ATM: variants seen among roughly 807,000 people sequenced by gnomAD.
ATM encodes the protein serine-protein kinase ATM.
A neutral mutation model predicts 387.0 loss-of-function variants in ATM; 308 were observed. That is an observed-to-expected ratio of 0.80 (90% CI 0.73 to 0.87). The LOEUF (loss-of-function observed/expected upper bound fraction) is 0.87. Ranked by LOEUF, ATM falls within the 40% of genes least tolerant of loss-of-function variation. The pLI, the probability that ATM is intolerant of heterozygous loss-of-function variation, is 0.00. For synonymous variants in ATM, 1,156 were observed against 1,187.3 expected, an observed-to-expected ratio of 0.97 and a Z score of 0.54; for missense variants, 3,312 against 3,560.9, an observed-to-expected ratio of 0.93 and a Z score of 1.78.
At chr11:108,256,093 C>T in intron 13 of ATM, 122 bp from the exon 14 acceptor site, 1 of 899,998 alleles carries the variant, frequency 1.1e-6, no homozygotes, top group Non-Finnish European at 1.6e-6. Flanking sequence ...GATATGCCAC[C>T]TTTAACTCAG....
chr11:108,321,334 C>T lies in ATM; in HGVS notation c.6486C>T (p.Ser2162=), dbSNP rs138166710. Residue 2162 remains serine, a synonymous_variant, in exon 45 of 63, where the codon AGC becomes AGT. Transcript: ENST00000675843. ...AAGTGGAAGAGATGTGTAAGCGCAG[C>T]CTTGAGTCTGTGTATTCGCTCTATC... ...VKEVEEMCKR[S]LESVYSLYPT... 15 of 1,614,022 alleles carry T rather than the reference C, an allele frequency of 9.3e-6. No individual in the cohort carries two copies. In the African/African-American group the frequency reaches 1.9e-4, roughly 20 times the overall value.
At chr11:108,263,208 A>G (rs1440923613) in intron 16 of ATM, among the ~76,000 whole-genome samples, 1 of 143,572 alleles carries the variant, frequency 7.0e-6, no homozygotes, top group East Asian at 2.1e-4. Flanking sequence ...CACCACACCT[A>G]TTCCAAAATT....
At position 108,292,638 on chromosome 11, in the gene ATM, G is replaced by A. The variant is rs786203352; in HGVS notation, c.4456G>A (p.Val1486Met). The change falls in exon 30 of 63, where the codon GTG (valine) becomes ATG (methionine). Residue 1486 changes from valine to methionine, a missense_variant. Physicochemically the swap from Val to Met is conservative, Grantham distance 21. Around this residue, in one of 4 missense-constraint regions of ATM, gnomAD observed 1,791 missense variants for 1,804.5 expected, o/e 0.99. Transcript: ENST00000675843. ...TATTAGGCCTTCTTGTATCATGGAT[G>A]TGTCATTACGTAGCTTCTCCCTTTG... ...INQRPSCIMD[V>M]SLRSFSLCCD... 2 of 1,613,610 alleles carry A rather than the reference G, an allele frequency of 1.2e-6. No homozygotes were observed. Among genetic ancestry groups the A allele is most frequent in the Non-Finnish European group, 1.7e-6 (2 of 1,179,844 alleles).
intron 29 of ATM, among the ~76,000 whole-genome samples, chr11:108,290,826 T>TA (rs202152959): frequency 0.018 from 2,272 of 124,826 alleles, 54 homozygotes; most frequent in African/African-American, 0.055. Context: ...TTCACTCAAT[T>TA]AAAAAAAAAA....
chr11:108,356,428 C>T (rs1013248799), intron 61 of ATM, among the ~76,000 whole-genome samples: 2 of 151,374 alleles, frequency 1.3e-5, no homozygotes, highest in East Asian at 1.9e-4. Context: ...CCCAGCTACT[C>T]AGGAGGCTGA....
chr11:108,276,617 C>A (rs2081963538), intron 22 of ATM, among the ~76,000 whole-genome samples: 1 of 152,146 alleles, frequency 6.6e-6, no homozygotes, highest in African/African-American at 2.4e-5. Context: ...TACAGTCAGG[C>A]CCCTCTGCTG....
intron 5 of ATM, among the ~76,000 whole-genome samples, chr11:108,238,029 C>A (rs934854008): frequency 7.3e-5 from 11 of 150,402 alleles, no homozygotes; most frequent in African/African-American, 2.7e-4. Context: ...TAGGTTCAAG[C>A]GATTCTCCTG....
intron 16 of ATM, among the ~76,000 whole-genome samples, chr11:108,264,117 CCTAACTCATTTTAT>C (rs2081073232): frequency 6.6e-6 from 1 of 151,816 alleles, no homozygotes; most frequent in Non-Finnish European, 1.5e-5. Flanking sequence ...GGGAATCCTC[CCTAACTCATTTTAT>C]GAGGCCAGCA....
intron 35 of ATM, 101 bp from the exon 36 acceptor site, chr11:108,302,752 T>G (rs2083490065): frequency 8.8e-7 from 1 of 1,136,814 alleles, no homozygotes. Flanking sequence ...TTTAACTGTA[T>G]TTAGCTTTAT....
rs1363659444 is a variant in ATM at position 108,245,063 on chromosome 11, T to C, written c.901+37T>C. On this transcript the variant is annotated intron_variant, in intron 7 of 62. Transcript: ENST00000675843. ...ATGTTTACTGTTTTGAATTTGCTTC[T>C]TCATTCAAACATAGAAGTCTAAGTA... The C allele has an allele frequency of 2.7e-6, 4 of 1,502,208 alleles. No individual in the cohort carries two copies. In the African/African-American group the frequency reaches 4.1e-5, roughly 16 times the overall value. The allele number at this position is 1,502,208 out of a possible 1,614,324, so 93.1% of individuals were successfully genotyped here.
chr11:108,242,685 T>C (rs2079623053), intron 5 of ATM, among the ~76,000 whole-genome samples: 3 of 152,168 alleles, frequency 2.0e-5, no homozygotes, highest in Admixed American at 6.6e-5. Context: ...ACAGATTTAC[T>C]TGTAGCCTAT....
intron 3 of ATM, among the ~76,000 whole-genome samples, chr11:108,228,168 AAGACTTCAGATT>A (rs1389096524): frequency 6.6e-6 from 1 of 152,166 alleles, no homozygotes; most frequent in Admixed American, 6.5e-5. Flanking sequence ...GTTAGTTCAC[AAGACTTCAGATT>A]AGAGGAAAAA....
At chr11:108,235,507 A>C (rs1321768527) in intron 4 of ATM, among the ~76,000 whole-genome samples, 163 bp from the exon 5 acceptor site, 1 of 151,940 alleles carries the variant, frequency 6.6e-6, no homozygotes, top group Non-Finnish European at 1.5e-5. Context: ...CAAAGAAAAA[A>C]AAAATGAATT....
intron 45 of ATM, among the ~76,000 whole-genome samples, chr11:108,324,400 AAATT>A (rs1314275528): frequency 2.0e-5 from 3 of 152,126 alleles, no homozygotes; most frequent in African/African-American, 7.2e-5. Flanking sequence ...ATTTTTGAAT[AAATT>A]AATACATTTT....
At chr11:108,290,174 A>G (rs2082707989) in intron 29 of ATM, 1 of 167,640 alleles carries the variant, frequency 6.0e-6, no homozygotes, top group Non-Finnish European at 1.3e-5. Flanking sequence ...TGTTCTTTTA[A>G]TTGAAAGTTT....
rs1166367097 is a variant in ATM, at chr11:108,289,489, TTTAAATATAAAATGTG to T, written c.4237-111_4237-96del. 1.0e-4 allele frequency: 84 copies of T among 827,416 alleles called. No homozygotes were observed. In the East Asian group the frequency reaches 1.3e-3, roughly 12 times the overall value. 51.3% of individuals were successfully genotyped at this position (827,416 alleles called of 1,614,324 possible). On this transcript the variant is annotated intron_variant, in intron 28 of 62. Transcript: ENST00000675843. ...AATCTAAATTCTGTTATTTAGTTAT[TTTAAATATAAAATGTG>T]TAGGTATTCAAATATTTGAAGAAAA... is the stretch of plus-strand genomic sequence containing the variant.
In ATM at chr11:108,316,681, G is replaced by A. The variant is rs200087975; in HGVS notation, c.6198+568G>A. 2.1e-4 allele frequency among the ~76,000 whole-genome samples: 31 copies of A among 148,634 alleles called. No homozygotes were observed. In the East Asian group the frequency reaches 2.4e-3, roughly 11 times the overall value. On this transcript the variant is annotated intron_variant, in intron 42 of 62. Transcript: ENST00000675843. ...TCCCAGCACTTTGGGAGGCCGAGGCGAGCAGATCACGAGGTCAGGAGGTCC... is the reference window on the plus strand; with the variant it reads ...TCCCAGCACTTTGGGAGGCCGAGGCAAGCAGATCACGAGGTCAGGAGGTCC...
At chr11:108,344,298 G>C (rs1250638240) in intron 57 of ATM, among the ~76,000 whole-genome samples, 1 of 152,146 alleles carries the variant, frequency 6.6e-6, no homozygotes, top group African/African-American at 2.4e-5. Context: ...AGAGGAAAAG[G>C]TGTGTGAGCC....
At position 108,322,409 on chromosome 11, in the gene ATM, C is replaced by T. The variant is rs183915395; in HGVS notation, c.6572+989C>T. On this transcript the variant is annotated intron_variant, in intron 45 of 62. Transcript: ENST00000675843. ...CCTCAGGTGATCCACCCGCTTCAGC[C>T]TCCCAAAGTGCTGGGATTGCAGGCG... 1.2e-3 allele frequency among the ~76,000 whole-genome samples: 183 copies of T among 152,338 alleles called. 1 individual carries two copies. Among genetic ancestry groups the T allele is most frequent in the African/African-American group, 4.4e-3 (181 of 41,570 alleles).
Sources: allele counts gnomAD v4.1 joint callset (sites outside exome capture counted in the v4.1 genomes callset), GRCh38; gene constraint gnomAD v4.1.1; regional missense constraint gnomAD v4.1.1; transcripts MANE v1.5; gene names NCBI Gene and HGNC (gene_info 2026-07-23, HGNC 2026-07-21).